The following PLCB1 variants were observed in gnomAD, a reference collection of about 807,000 sequenced individuals.
PLCB1 encodes phospholipase C beta 1.
Under a neutral mutation model 161.8 loss-of-function variants are expected in PLCB1, and 46 were observed. That is an observed-to-expected ratio of 0.28 (90% CI 0.22 to 0.36). The LOEUF (loss-of-function observed/expected upper bound fraction) is 0.36, where lower values mean the gene tolerates loss of function less well. PLCB1 is among the 10% of genes least tolerant of loss of function. The pLI, the probability that PLCB1 is intolerant of heterozygous loss-of-function variation, is 1.00. For synonymous variants in PLCB1, 517 were observed against 503.7 expected (o/e 1.03, Z -0.35); for missense variants, 1,016 against 1,472.5 (o/e 0.69, Z 5.07).
At chr20:8,148,033 T>A (rs1382590403) in intron 1 of PLCB1, among the ~76,000 whole-genome samples, 1 of 152,074 alleles carries the variant, frequency 6.6e-6, no homozygotes, top group Non-Finnish European at 1.5e-5. Context: ...AATATTTGAT[T>A]GTATGGGATC....
intron 2 of PLCB1, among the ~76,000 whole-genome samples, chr20:8,226,135 T>C (rs994479379): frequency 3.3e-5 from 5 of 152,150 alleles, no homozygotes; most frequent in Non-Finnish European, 7.4e-5. Context: ...GAAAATTAAG[T>C]GTCTTTTGCA....
intron 27 of PLCB1, among the ~76,000 whole-genome samples, chr20:8,783,996 G>A (rs1055996849): frequency 1.3e-5 from 2 of 152,300 alleles, no homozygotes; most frequent in East Asian, 3.9e-4. Flanking sequence ...AGCAGAGGAA[G>A]TTCTTCCTGG....
chr20:8,328,039 A>G (rs1292059051), intron 2 of PLCB1, among the ~76,000 whole-genome samples: 2 of 152,124 alleles, frequency 1.3e-5, no homozygotes, highest in Admixed American at 1.3e-4. Flanking sequence ...GCTTGGGGCC[A>G]GAAGTGTTTT....
intron 1 of PLCB1, among the ~76,000 whole-genome samples, chr20:8,134,792 G>C (rs1269633975): frequency 2.6e-5 from 4 of 151,658 alleles, no homozygotes; most frequent in Non-Finnish European, 5.9e-5. Context: ...TTGCAGCAGT[G>C]AGTTTCCAAG....
At chr20:8,230,047 A>C (rs1455554966) in intron 2 of PLCB1, among the ~76,000 whole-genome samples, 2 of 118,998 alleles carry the variant, frequency 1.7e-5, no homozygotes, top group African/African-American at 5.9e-5. Context: ...CAGAGTTGCG[A>C]CTTGGCAGCA....
intron 26 of PLCB1, among the ~76,000 whole-genome samples, chr20:8,765,913 A>G (rs953993839): frequency 2.0e-5 from 3 of 152,142 alleles, no homozygotes; most frequent in Non-Finnish European, 2.9e-5. Flanking sequence ...TCCTGGCCTC[A>G]AGCGATCTGC....
At chr20:8,141,635 A>AT (rs1462250217) in intron 1 of PLCB1, among the ~76,000 whole-genome samples, 1 of 152,110 alleles carries the variant, frequency 6.6e-6, no homozygotes, top group Non-Finnish European at 1.5e-5. Context: ...AAAAAAAAAA[A>AT]AAAAAAGGAG....
chr20:8,444,713 GTT>G (rs1980735795), intron 3 of PLCB1, among the ~76,000 whole-genome samples: 1 of 152,138 alleles, frequency 6.6e-6, no homozygotes, highest in Non-Finnish European at 1.5e-5. Context: ...AGTACCTGTT[GTT>G]TCCTGACTTT....
intron 3 of PLCB1, among the ~76,000 whole-genome samples, chr20:8,602,864 T>C (rs1249043713): frequency 6.6e-6 from 1 of 152,240 alleles, no homozygotes; most frequent in African/African-American, 2.4e-5. Context: ...CAATAAAATT[T>C]TCCTAAATGG....
chr20:8,382,101 G>A (rs969692080), intron 3 of PLCB1, among the ~76,000 whole-genome samples: 1 of 151,988 alleles, frequency 6.6e-6, no homozygotes, highest in Non-Finnish European at 1.5e-5. Flanking sequence ...GTGCTATAAA[G>A]TTCCCTCTTA....
At chr20:8,249,892 T>C (rs1223432674) in intron 2 of PLCB1, 2 of 151,956 alleles carry the variant, frequency 1.3e-5, no homozygotes, top group Non-Finnish European at 2.9e-5. Flanking sequence ...CCTCCCCTAA[T>C]TATTCATGCT....
At chr20:8,481,162 A>G (rs1191809961) in intron 3 of PLCB1, among the ~76,000 whole-genome samples, 1 of 145,028 alleles carries the variant, frequency 6.9e-6, no homozygotes. Context: ...ATTTTCATTT[A>G]AAAAGTTAAA....
rs113295835 is a variant in PLCB1 at position 8,338,957 on chromosome 20, A to G, written c.178-32425A>G. Among the ~76,000 whole-genome samples the G allele has an allele frequency of 3.4e-3, 525 of 152,260 alleles. 3 individuals are homozygous for G. Among genetic ancestry groups the G allele is most frequent in the African/African-American group, 0.012 (487 of 41,558 alleles). ...TGCAATGTAATTTTTTTTGAGATTC[A>G]TCCGTGTTGTTCCATGTTGCATTCC... On this transcript the variant is annotated intron_variant, in intron 2 of 31. Transcript: ENST00000338037.
chr20:8,390,134 G>A (rs1987546035), intron 3 of PLCB1, among the ~76,000 whole-genome samples: 1 of 152,138 alleles, frequency 6.6e-6, no homozygotes, highest in African/African-American at 2.4e-5. Context: ...CCACAGCAAA[G>A]TACCACAGGC....
intron 2 of PLCB1, among the ~76,000 whole-genome samples, chr20:8,228,641 C>A (rs1979830691): frequency 6.6e-6 from 1 of 151,960 alleles, no homozygotes; most frequent in Non-Finnish European, 1.5e-5. Context: ...CCACAGAATA[C>A]TGGAATTACA....
At chr20:8,653,934 C>T (rs1400338136) in intron 7 of PLCB1, among the ~76,000 whole-genome samples, 1 of 151,906 alleles carries the variant, frequency 6.6e-6, no homozygotes, top group Non-Finnish European at 1.5e-5. Flanking sequence ...GTAATAATGC[C>T]AACTGCATAG....
rs183667796 is a variant in PLCB1, at chr20:8,869,470, G to A, written c.3424-12152G>A. 2.3e-3 allele frequency among the ~76,000 whole-genome samples: 350 copies of A among 152,266 alleles called. 2 individuals carry two copies. Among genetic ancestry groups the A allele is most frequent in the African/African-American group, 8.2e-3 (339 of 41,548 alleles). On this transcript the variant is annotated intron_variant, in intron 31 of 31. Transcript: ENST00000338037. Reference sequence around the variant, plus strand: ...TGGCCTGCTGAGTAGCATAATTATTGTCCTAAATTGTAGTATAAGTTGCTT... The same window carrying A: ...TGGCCTGCTGAGTAGCATAATTATTATCCTAAATTGTAGTATAAGTTGCTT...
At chr20:8,844,199 A>C (rs2146293692) in intron 31 of PLCB1, among the ~76,000 whole-genome samples, 1 of 152,348 alleles carries the variant, frequency 6.6e-6, no homozygotes, top group East Asian at 1.9e-4. Flanking sequence ...AGAAAACGTC[A>C]GCTCTCAACT....
chr20:8,590,963 G>A (rs1230374469), intron 3 of PLCB1, among the ~76,000 whole-genome samples: 1 of 151,948 alleles, frequency 6.6e-6, no homozygotes, highest in Non-Finnish European at 1.5e-5. Flanking sequence ...GTTTCCTAAT[G>A]TTCTCCCTCC....
Sources: allele counts gnomAD v4.1 joint callset (sites outside exome capture counted in the v4.1 genomes callset), GRCh38; gene constraint gnomAD v4.1.1; transcripts MANE v1.5; gene names NCBI Gene and HGNC (gene_info 2026-07-23, HGNC 2026-07-21).